The following DMD variants were observed in gnomAD, a reference collection of about 807,000 sequenced individuals.
DMD encodes the protein mutant dystrophin.
A neutral mutation model predicts 330.1 loss-of-function variants in DMD; 63 were observed. The ratio of observed to expected loss-of-function variants is 0.19; its 90% CI spans 0.16 to 0.24. DMD has a LOEUF of 0.24. Ranked by LOEUF, DMD falls within the 10% of genes least tolerant of loss-of-function variation. The pLI, the probability that DMD is intolerant of heterozygous loss-of-function variation, is 1.00. For synonymous variants in DMD, 1,223 were observed against 959.8 expected (o/e 1.27, Z -5.07); for missense variants, 3,344 against 2,684.1 (o/e 1.25, Z -5.43).
At chrX:32,164,432 A>G (rs949286710) in intron 44 of DMD, among the ~76,000 whole-genome samples, 2 of 111,584 alleles carry the variant, frequency 1.8e-5, no homozygotes, top group Non-Finnish European at 3.8e-5. Context: ...AGTAAAGGTC[A>G]TTCTTGCTAT....
chrX:32,108,540 G>T (rs1236026319), intron 44 of DMD, among the ~76,000 whole-genome samples: 1 of 111,811 alleles, frequency 8.9e-6, no homozygotes, highest in East Asian at 2.8e-4. Flanking sequence ...GTGATACAAT[G>T]ATGGCATTTA....
intron 9 of DMD, among the ~76,000 whole-genome samples, chrX:32,677,439 T>C (rs2062048807): frequency 9.0e-6 from 1 of 111,478 alleles, no homozygotes; most frequent in Non-Finnish European, 1.9e-5. Flanking sequence ...ACCAAAGAAG[T>C]TGACCTCTAA....
intron 54 of DMD, among the ~76,000 whole-genome samples, chrX:31,645,590 T>G (rs2080042992): frequency 1.8e-5 from 2 of 112,602 alleles, no homozygotes; most frequent in African/African-American, 6.4e-5. Context: ...TTCAGGTAAC[T>G]CACGGTGAGA....
At chrX:32,885,273 G>A (rs2084406610) in intron 2 of DMD, among the ~76,000 whole-genome samples, 1 of 111,356 alleles carries the variant, frequency 9.0e-6, no homozygotes, top group Non-Finnish European at 1.9e-5. Context: ...CCCCTGTGGT[G>A]TTATCTTTGA....
At chrX:33,251,021 T>C in intron 1 of DMD, among the ~76,000 whole-genome samples, 1 of 111,141 alleles carries the variant, frequency 9.0e-6, no homozygotes, top group Non-Finnish European at 1.9e-5. Context: ...ATGGTAAAGA[T>C]CAAGTTTTAC....
intron 4 of DMD, among the ~76,000 whole-genome samples, chrX:32,829,036 C>T (rs1053943420): frequency 9.0e-6 from 1 of 111,428 alleles, no homozygotes; most frequent in African/African-American, 3.3e-5. Context: ...ATGCTTACCA[C>T]TTGCAAAATG....
At chrX:31,456,152 G>A (rs1189094740) in intron 59 of DMD, among the ~76,000 whole-genome samples, 1 of 111,575 alleles carries the variant, frequency 9.0e-6, no homozygotes, top group Non-Finnish European at 1.9e-5. Flanking sequence ...GAACTAAGAA[G>A]TCATCAAATA....
intron 26 of DMD, among the ~76,000 whole-genome samples, chrX:32,452,649 G>A (rs1341481718): frequency 1.8e-5 from 2 of 110,916 alleles, no homozygotes; most frequent in Non-Finnish European, 3.8e-5. Context: ...AGAGAGAGAA[G>A]TGTGAATTAC....
At chrX:32,410,475 C>T (rs977189174) in intron 30 of DMD, among the ~76,000 whole-genome samples, 1 of 111,849 alleles carries the variant, frequency 8.9e-6, no homozygotes, top group Non-Finnish European at 1.9e-5. Context: ...CACCTATTAA[C>T]GGTGATTCAT....
chrX:32,457,812 T>G (rs1014967924), intron 25 of DMD, among the ~76,000 whole-genome samples: 1 of 110,449 alleles, frequency 9.1e-6, no homozygotes, highest in African/African-American at 3.3e-5. Flanking sequence ...GACAATGATC[T>G]GCAAGCTGGC....
rs776646649 is a variant in DMD, at chrX:31,223,569, A to T, written c.9287-448T>A. On this transcript the variant is annotated intron_variant, in intron 63 of 78. Transcript: ENST00000357033. ...TTTTTTCTGACTGTAGAAGTTATAC[A>T]TGCTCACTTTGGGTAACTTAGACAT... Among the ~76,000 whole-genome samples the T allele has an allele frequency of 1.2e-3, 134 of 112,826 alleles. 1 individual carries two copies. Among genetic ancestry groups the T allele is most frequent in the African/African-American group, 4.2e-3 (131 of 31,093 alleles).
chrX:31,804,294 G>GT (rs1162392997), intron 50 of DMD, among the ~76,000 whole-genome samples: 2 of 111,622 alleles, frequency 1.8e-5, no homozygotes, highest in Non-Finnish European at 3.8e-5. Context: ...CGCGTTCTCT[G>GT]TATCTCTCCA....
chrX:33,077,901 T>G (rs1305862964), intron 1 of DMD, among the ~76,000 whole-genome samples: 1 of 112,438 alleles, frequency 8.9e-6, no homozygotes, highest in African/African-American at 3.2e-5. Context: ...AAACAAATCA[T>G]GATAGAAATG....
rs67231830 is a variant in DMD, at chrX:31,846,434, T to TACAC, written c.7099-9619_7099-9616dup. ...ACGTTTGCTCTGGAAAATCAAGAAA[T>TACAC]ACACACACACACACACACACACACA... On this transcript the variant is annotated intron_variant, in intron 48 of 78. Transcript: ENST00000357033. Among the ~76,000 whole-genome samples, 696 of 95,487 alleles carry TACAC rather than the reference T, an allele frequency of 7.3e-3. 8 individuals carry two copies. The highest frequency in any genetic ancestry group is 0.044 in the East Asian group (133 of 2,994). 82.9% of individuals were successfully genotyped at this position (95,487 alleles called of 115,157 possible).
Position 33,234,372 on chromosome X carries a change from C to T in DMD, c.7+104887G>A, listed in dbSNP as rs1036555328. Among the ~76,000 whole-genome samples, 3 of 109,796 alleles carry T rather than the reference C, an allele frequency of 2.7e-5. 1 individual carries two copies. The highest frequency in any genetic ancestry group is 5.7e-5 in the Non-Finnish European group (3 of 52,633). On this transcript the variant is annotated intron_variant, in intron 1 of 17. Transcript: ENST00000288447. Reference sequence around the variant, plus strand: ...GGGTGTGTGTGTGTGTTTGTGTGTGCGTCTATGTGTGTGTGTGTCTGTGTG... The same window carrying T: ...GGGTGTGTGTGTGTGTTTGTGTGTGTGTCTATGTGTGTGTGTGTCTGTGTG...
In DMD at chrX:31,223,070, C is replaced by T. The variant is rs1556320083; in HGVS notation, c.9338G>A (p.Arg3113Gln). 8.3e-7 allele frequency: 1 copy of T among 1,211,020 alleles called. No homozygotes were observed. The highest frequency in any genetic ancestry group is 1.1e-6 in the Non-Finnish European group (1 of 894,907). ...ACAGCAAAGGGCCTTCTGCAGTCTT[C>T]GGAGTTTCATGGCAGTCCTATAAGC... The part of the protein sequence containing the change: ...FSAYRTAMKL[R>Q]RLQKALCLDL... The change falls in exon 64 of 79, where the codon CGA (arginine) becomes CAA (glutamine). Residue 3113 changes from arginine (R) to glutamine (Q), a missense_variant. Coordinates refer to ENST00000357033, the MANE Select transcript of DMD (RefSeq NM_004006.3).
chrX:32,210,748 C>T (rs1278352687), intron 44 of DMD, among the ~76,000 whole-genome samples: 1 of 111,755 alleles, frequency 8.9e-6, no homozygotes, highest in African/African-American at 3.3e-5. Context: ...ATCTATTCAG[C>T]ACTCATCATT....
intron 1 of DMD, among the ~76,000 whole-genome samples, chrX:33,317,873 A>T (rs1005254618): frequency 4.5e-5 from 5 of 111,736 alleles, no homozygotes; most frequent in African/African-American, 1.6e-4. Flanking sequence ...AATCCTTTAC[A>T]GTCTAGTCCA....
intron 50 of DMD, among the ~76,000 whole-genome samples, chrX:31,819,180 C>A (rs771003246): frequency 8.9e-6 from 1 of 112,241 alleles, no homozygotes; most frequent in Admixed American, 9.4e-5. Flanking sequence ...TTATGAATAC[C>A]TTCTATCAAC....
Sources: allele counts gnomAD v4.1 joint callset (sites outside exome capture counted in the v4.1 genomes callset), GRCh38; gene constraint gnomAD v4.1.1; transcripts MANE v1.5; gene names NCBI Gene and HGNC (gene_info 2026-07-23, HGNC 2026-07-21).